Variants in DDX11 observed in about 807,000 individuals in gnomAD.
DDX11 encodes ATP-dependent DNA helicase DDX11.
A neutral mutation model predicts 125.2 loss-of-function variants in DDX11; 72 were observed. That is an observed-to-expected ratio of 0.58 (90% confidence interval 0.48 to 0.70). The LOEUF (loss-of-function observed/expected upper bound fraction) is 0.70. Ranked by LOEUF, DDX11 falls within the 30% of genes least tolerant of loss-of-function variation. The pLI, the probability that DDX11 is intolerant of heterozygous loss-of-function variation, is 0.00. For missense variants in DDX11, 883 were observed against 1,165.0 expected, an observed-to-expected ratio of 0.76 and a Z score of 3.52; for synonymous variants, 347 against 452.6, an observed-to-expected ratio of 0.77 and a Z score of 2.96.
chr12:31,103,717 G>A lies in DDX11; in HGVS notation c.2677G>A (p.Ala893Thr). 1 of 1,613,846 alleles carries A rather than the reference G, an allele frequency of 6.2e-7. No individual in the cohort carries two copies. The highest frequency in any genetic ancestry group is 8.5e-7 in the Non-Finnish European group (1 of 1,179,960). ...CAAAGCTACCTTTGGCCCCGCCATT[G>A]CTGCTGTGCAGAAGGTCAGTCCTAC... ...EVKATFGPAI[A>T]AVQKFHREKS... The change falls in exon 26 of 27, where the codon GCT becomes ACT. Residue 893 changes from alanine to threonine, a missense_variant. Physicochemically the swap from Ala to Thr is moderately conservative, Grantham distance 58 (BLOSUM62 0). This residue lies in a region of DDX11 where 285 missense variants were observed against 346.0 expected (regional missense o/e 0.82). Coordinates refer to ENST00000542838, the MANE Select transcript of DDX11 (RefSeq NM_030653.4).
chr12:31,089,396 G>A lies in DDX11; in HGVS notation c.793-7G>A, dbSNP rs1200178580. 1.2e-6 allele frequency: 2 copies of A among 1,613,794 alleles called. No homozygotes were observed. The highest frequency in any genetic ancestry group is 2.7e-5 in the African/African-American group (2 of 74,898). Reference sequence around the variant, plus strand: ...CTTTTTGCCTCTTTCTTTCTCCTTTGCTGCAGAACCTTTGTGTAAATGAAG... The same window carrying A: ...CTTTTTGCCTCTTTCTTTCTCCTTTACTGCAGAACCTTTGTGTAAATGAAG... On this transcript the variant is annotated splice_region_variant and splice_polypyrimidine_tract_variant and intron_variant, in intron 7 of 26. Transcript: ENST00000542838.
intron 25 of DDX11, 74 bp from the exon 26 acceptor site, chr12:31,103,503 G>A: frequency 1.2e-6 from 2 of 1,610,516 alleles, no homozygotes; most frequent in Non-Finnish European, 8.5e-7. Context: ...AGGAAGGGGA[G>A]GGGGTCGCCG....
At chr12:31,086,223 G>T in intron 5 of DDX11, 1 of 436,618 alleles carries the variant, frequency 2.3e-6, no homozygotes, top group South Asian at 1.6e-5. Flanking sequence ...GTGTCGTCTT[G>T]GTGGCTTCGG....
At chr12:31,082,435 G>A (rs1452295089) in intron 2 of DDX11, among the ~76,000 whole-genome samples, 3 of 151,816 alleles carry the variant, frequency 2.0e-5, no homozygotes, top group East Asian at 3.9e-4. Context: ...AGAGCTGCAG[G>A]TGGGGGAGAC....
chr12:31,103,403 T>A lies in DDX11; in HGVS notation c.2536+8T>A, dbSNP rs1279876949. ...CCGTCAACCAGTCCATAGGTGAGCC[T>A]GGCTGCCTCCAGCTGGGTGGACAGA... On this transcript the variant is annotated splice_region_variant and intron_variant, in intron 25 of 26. Transcript: ENST00000542838. 2 of 1,606,700 alleles carry A rather than the reference T, an allele frequency of 1.2e-6. No homozygotes were observed.
At chr12:31,086,261 A>G (rs775414168) in intron 5 of DDX11, 50 of 430,338 alleles carry the variant, frequency 1.2e-4, no homozygotes, top group Non-Finnish European at 1.3e-4. Flanking sequence ...TTGCTCATGC[A>G]CCTGCTTGTG....
chr12:31,087,059 T>C (rs1370971336), intron 5 of DDX11, among the ~76,000 whole-genome samples: 1 of 149,018 alleles, frequency 6.7e-6, no homozygotes, highest in Admixed American at 6.7e-5. Context: ...TGTCAGATGG[T>C]TTTGTGTTTT....
In DDX11 at chr12:31,084,722, T is replaced by G. The variant is rs986444018; in HGVS notation, c.480+53T>G. On this transcript the variant is annotated intron_variant, in intron 4 of 26. Coordinates refer to ENST00000542838, the MANE Select transcript of DDX11 (RefSeq NM_030653.4). Reference sequence around the variant, plus strand: ...TTATGTCCAGGCAGGGTTGCTCTGCTTGGAGGCTCATGGGTGCGTGGTCAG... The same window carrying G: ...TTATGTCCAGGCAGGGTTGCTCTGCGTGGAGGCTCATGGGTGCGTGGTCAG... 9.2e-6 allele frequency: 14 copies of G among 1,526,608 alleles called. No individual in the cohort carries two copies. The African/African-American group carries it at 1.5e-4, about 16-fold the overall frequency. The allele number at this position is 1,526,608 out of a possible 1,614,324, so 94.6% of individuals were successfully genotyped here.
At chr12:31,089,513 A>C (rs1360808550) in intron 8 of DDX11, 23 bp downstream of exon 8, 2 of 1,603,448 alleles carry the variant, frequency 1.2e-6, no homozygotes, top group African/African-American at 2.7e-5. Context: ...ACCATGGTGT[A>C]GCCGCAGGTG....
chr12:31,074,650 G>A (rs1188288506), intron 1 of DDX11, among the ~76,000 whole-genome samples: 1 of 152,246 alleles, frequency 6.6e-6, no homozygotes, highest in Non-Finnish European at 1.5e-5. Context: ...GCCAGAGCAA[G>A]GTGGGAATGC....
In DDX11 at chr12:31,103,951, G is replaced by A. The variant is rs1946853983; in HGVS notation, c.*115G>A. On this transcript the variant is annotated 3_prime_UTR_variant, in exon 27 of 27. Coordinates refer to ENST00000542838, the MANE Select transcript of DDX11 (RefSeq NM_030653.4). ...CCTGTTACAAAGGTGAAACCCAGGA[G>A]GAGAGTGTGGAGTCCAGAGTGCTGC... 1.2e-6 allele frequency: 2 copies of A among 1,604,044 alleles called. No homozygotes were observed. Among genetic ancestry groups the A allele is most frequent in the Admixed American group, 3.5e-5 (2 of 57,834 alleles).
At position 31,099,237 on chromosome 12, in the gene DDX11, G is replaced by T. The variant is rs1945950054; in HGVS notation, c.1875+1240G>T. Among the ~76,000 whole-genome samples, 3 of 151,754 alleles carry T rather than the reference G, an allele frequency of 2.0e-5. No individual in the cohort carries two copies. The South Asian group carries it at 6.3e-4, about 32-fold the overall frequency. ...TGAGTAGCTGTGATTACAGGCATGT[G>T]CCACCACACCCAGCTAATTTTTGTA... On this transcript the variant is annotated intron_variant, in intron 18 of 26. Transcript: ENST00000542838.
rs534799154 is a variant in DDX11, at chr12:31,100,590, C to T, written c.1876-45C>T. The T allele has an allele frequency of 1.2e-4, 187 of 1,537,724 alleles. 2 individuals are homozygous for T. The Admixed American group carries it at 1.8e-3, about 15-fold the overall frequency. ...ACTTCTCGCTTCCTTTCTGCTGGGC[C>T]TCTGAGGGGTCATGGGGCCGTGACG... is the stretch of plus-strand genomic sequence containing the variant. On this transcript the variant is annotated intron_variant, in intron 18 of 26. Transcript: ENST00000542838.
chr12:31,080,064 T>C (rs1941573070), intron 2 of DDX11, among the ~76,000 whole-genome samples: 1 of 129,202 alleles, frequency 7.7e-6, no homozygotes, highest in Admixed American at 8.2e-5. Flanking sequence ...CTGGCAGCCC[T>C]GGACTGCCTG....
intron 15 of DDX11, 120 bp downstream of exon 15, chr12:31,096,499 C>G (rs1218426815): frequency 3.8e-6 from 6 of 1,599,854 alleles, no homozygotes; most frequent in Non-Finnish European, 4.3e-6. Flanking sequence ...CTCCACTCTC[C>G]TTGGTGCAGT....
intron 1 of DDX11, among the ~76,000 whole-genome samples, chr12:31,076,017 C>A (rs1156355532): frequency 1.3e-5 from 2 of 152,074 alleles, no homozygotes; most frequent in Non-Finnish European, 2.9e-5. Context: ...AGGACTCCTT[C>A]TCCAGGCCAA....
chr12:31,094,388 G>C (rs1450940377), intron 12 of DDX11: 6 of 782,588 alleles, frequency 7.7e-6, no homozygotes, highest in Non-Finnish European at 1.2e-5. Flanking sequence ...GTGCAAGCAC[G>C]TGAGTCAGAC....
In DDX11 at chr12:31,103,955, A is replaced by T. The variant is rs777451624; in HGVS notation, c.*119A>T. ...TTACAAAGGTGAAACCCAGGAGGAG[A>T]GTGTGGAGTCCAGAGTGCTGCCAGG... On this transcript the variant is annotated 3_prime_UTR_variant, in exon 27 of 27. Coordinates refer to ENST00000542838, the MANE Select transcript of DDX11 (RefSeq NM_030653.4). 2.5e-6 allele frequency: 4 copies of T among 1,603,682 alleles called. No homozygotes were observed. The highest frequency in any genetic ancestry group is 3.4e-6 in the Non-Finnish European group (4 of 1,175,460).
chr12:31,096,322 C>G lies in DDX11; in HGVS notation c.1483-19C>G. ...GCTCAGTTTGCACTCATGCCTACAG[C>G]TGGGCTTGGTTTTTGCAGGTGCAGC... On this transcript the variant is annotated intron_variant, in intron 14 of 26. Transcript: ENST00000542838. 2 of 1,571,236 alleles carry G rather than the reference C, an allele frequency of 1.3e-6. No homozygotes were observed. The highest frequency in any genetic ancestry group is 1.7e-6 in the Non-Finnish European group (2 of 1,146,004).
Sources: allele counts gnomAD v4.1 joint callset (sites outside exome capture counted in the v4.1 genomes callset), GRCh38; gene constraint gnomAD v4.1.1; regional missense constraint gnomAD v4.1.1; transcripts MANE v1.5; gene names NCBI Gene and HGNC (gene_info 2026-07-23, HGNC 2026-07-21).